RGS7: variants seen among roughly 807,000 people sequenced by gnomAD.
RGS7 encodes regulator of G protein signaling 7, also known as regulator of G-protein signaling 7.
A neutral mutation model predicts 81.1 loss-of-function variants in RGS7; 27 were observed. The observed-to-expected ratio is 0.33, with a 90% CI of 0.25 to 0.46. The LOEUF (loss-of-function observed/expected upper bound fraction) is 0.46. Among genes scored for constraint, RGS7 ranks in the 20% least tolerant of loss-of-function variants. RGS7 has a pLI of 1.00. For synonymous variants in RGS7, 208 were observed against 207.7 expected (o/e 1.00, Z -0.01); for missense variants, 396 against 607.4 (o/e 0.65, Z 3.66).
At chr1:240,885,559 T>C (rs1013546127) in intron 6 of RGS7, among the ~76,000 whole-genome samples, 1 of 152,168 alleles carries the variant, frequency 6.6e-6, no homozygotes, top group African/African-American at 2.4e-5. Flanking sequence ...TGGGATACGA[T>C]GCAGCCATGA....
At chr1:240,957,843 T>A (rs1383886622) in intron 4 of RGS7, among the ~76,000 whole-genome samples, 1 of 152,198 alleles carries the variant, frequency 6.6e-6, no homozygotes, top group Non-Finnish European at 1.5e-5. Context: ...TAAGATTTTT[T>A]AAGAGCAAAT....
chr1:241,249,078 C>T (rs563375261), intron 2 of RGS7, among the ~76,000 whole-genome samples: 78 of 152,198 alleles, frequency 5.1e-4, no homozygotes, highest in African/African-American at 1.8e-3. Context: ...TCTTTTCATC[C>T]TCTTCACAGG....
At chr1:241,047,056 A>G (rs899862656) in intron 3 of RGS7, among the ~76,000 whole-genome samples, 1 of 152,122 alleles carries the variant, frequency 6.6e-6, no homozygotes, top group Non-Finnish European at 1.5e-5. Flanking sequence ...TCTCAGATCT[A>G]TCTAATTGCA....
intron 2 of RGS7, among the ~76,000 whole-genome samples, chr1:241,342,234 T>TG (rs2082607883): frequency 6.6e-6 from 1 of 151,982 alleles, no homozygotes; most frequent in African/African-American, 2.4e-5. Flanking sequence ...AACAGTCCTA[T>TG]GAGAAAGAGC....
chr1:240,959,972 C>T (rs1028228826), intron 4 of RGS7, among the ~76,000 whole-genome samples: 2 of 151,856 alleles, frequency 1.3e-5, no homozygotes, highest in African/African-American at 4.8e-5. Flanking sequence ...CCAGCCTGGC[C>T]AACATGGTGA....
chr1:240,912,843 A>C (rs1438955949), intron 6 of RGS7, among the ~76,000 whole-genome samples: 2 of 152,218 alleles, frequency 1.3e-5, no homozygotes, highest in African/African-American at 2.4e-5. Context: ...GAAATAAAAC[A>C]GACACTAATT....
intron 2 of RGS7, among the ~76,000 whole-genome samples, chr1:241,283,718 A>T (rs2148412402): frequency 6.6e-6 from 1 of 151,980 alleles, no homozygotes; most frequent in Admixed American, 6.6e-5. Context: ...TTTCTATCCA[A>T]CCTCTTTATT....
chr1:240,780,913 CAA>C (rs35853032), intron 18 of RGS7, among the ~76,000 whole-genome samples: 25 of 64,204 alleles, frequency 3.9e-4, no homozygotes, highest in African/African-American at 8.3e-4. Flanking sequence ...GACTCTGTCT[CAA>C]AAAAAAAAAA....
intron 2 of RGS7, among the ~76,000 whole-genome samples, chr1:241,108,325 G>A (rs2065271938): frequency 7.1e-6 from 1 of 141,300 alleles, no homozygotes; most frequent in African/African-American, 2.6e-5. Context: ...AAAAAAAAGC[G>A]CCAAAGAAAG....
At chr1:241,085,889 A>C (rs2063406414) in intron 3 of RGS7, among the ~76,000 whole-genome samples, 1 of 152,224 alleles carries the variant, frequency 6.6e-6, no homozygotes, top group South Asian at 2.1e-4. Flanking sequence ...AAGACATAGC[A>C]CAATGGGATT....
At chr1:241,039,160 C>A (rs537092031) in intron 3 of RGS7, among the ~76,000 whole-genome samples, 1 of 152,108 alleles carries the variant, frequency 6.6e-6, no homozygotes, top group Non-Finnish European at 1.5e-5. Context: ...ACATTCAGGA[C>A]ACCTGCCCAG....
chr1:241,139,986 G>T (rs917141295), intron 2 of RGS7, among the ~76,000 whole-genome samples: 4 of 152,150 alleles, frequency 2.6e-5, no homozygotes, highest in African/African-American at 7.2e-5. Context: ...GTTTCTGTGT[G>T]CTACCCCTTT....
chr1:240,839,306 C>A (rs1185072949), intron 9 of RGS7, among the ~76,000 whole-genome samples: 2 of 150,286 alleles, frequency 1.3e-5, no homozygotes, highest in Non-Finnish European at 2.9e-5. Flanking sequence ...CAGGGTCTCA[C>A]ATTTTAGCGA....
chr1:241,023,776 AC>A (rs1299174518), intron 3 of RGS7, among the ~76,000 whole-genome samples: 1 of 151,740 alleles, frequency 6.6e-6, no homozygotes, highest in African/African-American at 2.4e-5. Context: ...ATGTAGTTTC[AC>A]TCTTGTTGCC....
chr1:241,260,104 C>T (rs11584248), intron 2 of RGS7, among the ~76,000 whole-genome samples: 19,448 of 152,224 alleles, frequency 0.13, 1,341 homozygotes, highest in Middle Eastern at 0.17. Flanking sequence ...ACTGCTTCGT[C>T]TCAGAAAGTC....
Position 241,137,386 on chromosome 1 carries a change from GA to G in RGS7, c.79-38625del, listed in dbSNP as rs1294453002. On this transcript the variant is annotated intron_variant, in intron 2 of 18. Coordinates refer to ENST00000440928, the MANE Select transcript of RGS7 (RefSeq NM_001364886.1). ...TAACAACACTGAACCTATTATTAAT[GA>G]TTTAAGATATGTAGAATGTTATTGA... is the stretch of plus-strand genomic sequence containing the variant. 4.6e-5 allele frequency among the ~76,000 whole-genome samples: 7 copies of G among 152,228 alleles called. No individual in the cohort carries two copies. In the East Asian group the frequency reaches 1.3e-3, roughly 29 times the overall value.
chr1:241,043,873 T>G (rs949733979), intron 3 of RGS7, among the ~76,000 whole-genome samples: 1 of 151,740 alleles, frequency 6.6e-6, no homozygotes, highest in African/African-American at 2.4e-5. Flanking sequence ...AAAAAGGACT[T>G]GAGCATCCAC....
At chr1:241,355,595 A>T (rs2083511733) in intron 2 of RGS7, 104 bp downstream of exon 2, 1 of 980,226 alleles carries the variant, frequency 1.0e-6, no homozygotes, top group South Asian at 1.3e-5. Context: ...TGATCTGGGA[A>T]ATCCACAAGG....
intron 4 of RGS7, among the ~76,000 whole-genome samples, chr1:240,968,393 G>C (rs1682675767): frequency 6.6e-6 from 1 of 152,158 alleles, no homozygotes; most frequent in Non-Finnish European, 1.5e-5. Flanking sequence ...CTGAGCATGT[G>C]CCTCCTGTGA....
Sources: allele counts gnomAD v4.1 joint callset (sites outside exome capture counted in the v4.1 genomes callset), GRCh38; gene constraint gnomAD v4.1.1; transcripts MANE v1.5; gene names NCBI Gene and HGNC (gene_info 2026-07-23, HGNC 2026-07-21).